Variants in LPCAT1 observed in about 807,000 individuals in gnomAD.
The protein encoded by LPCAT1 is 1-acylglycerol-3-phosphate O-acyltransferase.
In LPCAT1, 23 loss-of-function variants were observed where a neutral mutation model predicts 60.9. The ratio of observed to expected loss-of-function variants is 0.38; its 90% CI spans 0.27 to 0.53. The LOEUF (loss-of-function observed/expected upper bound fraction) is 0.53, where lower values mean the gene tolerates loss of function less well. Among genes scored for constraint, LPCAT1 ranks in the 20% least tolerant of loss-of-function variants. The pLI is 0.82. For missense variants in LPCAT1, 622 were observed against 723.6 expected, an observed-to-expected ratio of 0.86 and a Z score of 1.61; for synonymous variants, 340 against 301.1, an observed-to-expected ratio of 1.13 and a Z score of -1.34.
intron 13 of LPCAT1, among the ~76,000 whole-genome samples, chr5:1,464,300 C>G (rs147043212): frequency 2.6e-5 from 4 of 152,174 alleles, no homozygotes; most frequent in African/African-American, 7.2e-5. Context: ...GCCGCTGTGC[C>G]TGGCTCTCAT....
In LPCAT1 at chr5:1,501,246, C is replaced by T. The variant is rs1161947040; in HGVS notation, c.278+215G>A. On this transcript the variant is annotated intron_variant, in intron 2 of 13. Transcript: ENST00000283415. The stretch of plus-strand genomic sequence containing the variant: ...TGCAGACCCCTGGAAAATGAAGCCT[C>T]AGAGCAGGACTGTGGCGGAGGCGTG... Among the ~76,000 whole-genome samples, 4 of 152,204 alleles carry T rather than the reference C, an allele frequency of 2.6e-5. No homozygotes were observed. The East Asian group carries it at 7.7e-4, about 29-fold the overall frequency.
chr5:1,474,765 G>A lies in LPCAT1; in HGVS notation c.900-80C>T. The A allele has an allele frequency of 2.0e-6, 3 of 1,528,160 alleles. No homozygotes were observed. The South Asian group carries it at 3.7e-5, about 19-fold the overall frequency. The allele number at this position is 1,528,160 out of a possible 1,614,324, so 94.7% of individuals were successfully genotyped here. A position where few individuals can be genotyped will look rare whatever the true frequency, so the allele number is the denominator to read the frequency against. ...CGCCCCACCAGAATAACCGCCGATG[G>A]CTCAGGGGAGAGGAGGGCTGAGGAG... is the stretch of plus-strand genomic sequence containing the variant. On this transcript the variant is annotated intron_variant, in intron 9 of 13. Transcript: ENST00000283415.
chr5:1,474,318 C>G (rs1213076808), intron 10 of LPCAT1, among the ~76,000 whole-genome samples: 2 of 152,244 alleles, frequency 1.3e-5, no homozygotes, highest in African/African-American at 4.8e-5. Flanking sequence ...AGACCCGTTC[C>G]CTTCCCAGGG....
In LPCAT1 at chr5:1,496,405, T is replaced by C. The variant is rs2962037; in HGVS notation, c.279-1491A>G. ...ATAAAGATGTACTCTTCTGTGCACA[T>C]GTTATTTTCCACAAAAAAAAAAAAA... On this transcript the variant is annotated intron_variant, in intron 2 of 13. Transcript: ENST00000283415. The surrounding 1 kb of genome is among the most constrained non-coding windows in gnomAD (Gnocchi z 4.7). Among the ~76,000 whole-genome samples, 1,062 of 147,700 alleles carry C rather than the reference T, an allele frequency of 7.2e-3. 9 individuals carry two copies. Among genetic ancestry groups the C allele is most frequent in the African/African-American group, 0.025 (1,002 of 39,546 alleles).
intron 2 of LPCAT1, among the ~76,000 whole-genome samples, chr5:1,499,533 T>G (rs905902054): frequency 4.6e-5 from 7 of 152,224 alleles, no homozygotes; most frequent in Admixed American, 2.6e-4. Flanking sequence ...ATTTTATGGT[T>G]AAAACGTTTC....
chr5:1,501,323 C>G (rs1169362081), intron 2 of LPCAT1, 138 bp downstream of exon 2: 9 of 1,232,980 alleles, frequency 7.3e-6, no homozygotes, highest in African/African-American at 1.5e-5. Flanking sequence ...AGGGGGCAGC[C>G]CTGGTGGACG....
At position 1,483,892 on chromosome 5, in the gene LPCAT1, G is replaced by C. The variant is rs182729796; in HGVS notation, c.668-406C>G. Among the ~76,000 whole-genome samples the C allele has an allele frequency of 6.6e-6, 1 of 150,492 alleles. No individual in the cohort carries two copies. Among genetic ancestry groups the C allele is most frequent in the South Asian group, 2.1e-4 (1 of 4,684 alleles). ...CACTTGCTATTATAACATTGCGCAC[G>C]AGCTGGAAGACATCCGTGGAGGGAC... On this transcript the variant is annotated intron_variant, in intron 5 of 13. Transcript: ENST00000283415. The surrounding 1 kb of genome is among the most constrained non-coding windows in gnomAD (Gnocchi z 9.2).
chr5:1,523,946 G>C lies in LPCAT1; in HGVS notation c.-102C>G. Reference sequence around the variant, plus strand: ...CTCGGGGCGCGGGCCGAGGATGCGCGGCGGCTGGAGCGGGCCGGGCGCGCA... The same window carrying C: ...CTCGGGGCGCGGGCCGAGGATGCGCCGCGGCTGGAGCGGGCCGGGCGCGCA... On this transcript the variant is annotated 5_prime_UTR_variant, in exon 1 of 14. Coordinates refer to ENST00000283415, the MANE Select transcript of LPCAT1 (RefSeq NM_024830.5). The surrounding 1 kb of genome is among the most constrained non-coding windows in gnomAD (Gnocchi z 7.1). 7 of 849,698 alleles carry C rather than the reference G, an allele frequency of 8.2e-6. No homozygotes were observed. The highest frequency in any genetic ancestry group is 9.9e-6 in the Non-Finnish European group (7 of 705,130). The allele number at this position is 849,698 out of a possible 1,614,324, so 52.6% of individuals were successfully genotyped here. A position where few individuals can be genotyped will look rare whatever the true frequency, so the allele number is the denominator to read the frequency against.
In LPCAT1 at chr5:1,486,412, G is replaced by T. The variant is rs185800126; in HGVS notation, c.667+1979C>A. Among the ~76,000 whole-genome samples, 202 of 152,290 alleles carry T rather than the reference G, an allele frequency of 1.3e-3. 6 individuals carry two copies. The East Asian group carries it at 0.036, about 27-fold the overall frequency. The stretch of plus-strand genomic sequence containing the variant: ...TGGAGGCTCCAGGAGCCTGAGGCTG[G>T]AGGCTGGGCCCAATGCGGGAAGGTC... On this transcript the variant is annotated intron_variant, in intron 5 of 13. Transcript: ENST00000283415.
rs149380037 is a variant in LPCAT1 at position 1,513,982 on chromosome 5, G to A, written c.135+9728C>T. Among the ~76,000 whole-genome samples the A allele has an allele frequency of 3.7e-3, 561 of 152,354 alleles. 3 individuals are homozygous for A. Among genetic ancestry groups the A allele is most frequent in the African/African-American group, 0.013 (537 of 41,588 alleles). ...TCACCCGTGGGGCGGGACACCCTGC[G>A]ATTACATTTCCTCAGAAGGCAGCTT... On this transcript the variant is annotated intron_variant, in intron 1 of 13. Coordinates refer to ENST00000283415, the MANE Select transcript of LPCAT1 (RefSeq NM_024830.5).
rs183178034 is a variant in LPCAT1 at position 1,475,692 on chromosome 5, A to C, written c.900-1007T>G. On this transcript the variant is annotated intron_variant, in intron 9 of 13. Transcript: ENST00000283415. The stretch of plus-strand genomic sequence containing the variant: ...CGGGAGTGGGAAACCAGCCGGGAGG[A>C]GGCGCTGCCAGGGTCCCTCTGCTCA... Among the ~76,000 whole-genome samples, 243 of 152,286 alleles carry C rather than the reference A, an allele frequency of 1.6e-3. 1 individual carries two copies. Among genetic ancestry groups the C allele is most frequent in the African/African-American group, 5.5e-3 (227 of 41,560 alleles).
rs1735790235 is a variant in LPCAT1, at chr5:1,496,360, C to T, written c.279-1446G>A. Among the ~76,000 whole-genome samples, 1 of 145,158 alleles carries T rather than the reference C, an allele frequency of 6.9e-6. No individual in the cohort carries two copies. The highest frequency in any genetic ancestry group is 1.5e-5 in the Non-Finnish European group (1 of 66,704). ...TGGGCAACAGAGTGAGACTCCATCT[C>T]AAGAAAACTAAACTAAAAAATAAAG... On this transcript the variant is annotated intron_variant, in intron 2 of 13. Coordinates refer to ENST00000283415, the MANE Select transcript of LPCAT1 (RefSeq NM_024830.5). This position sits in a 1 kb window ranked among gnomAD's most constrained non-coding sequence, Gnocchi z 4.7.
Position 1,483,634 on chromosome 5 carries a change from A to T in LPCAT1, c.668-148T>A. ...GGGCACTCCATGCCTGGACTATCTC[A>T]ACATCTGTCCTGACCGTAAACACCC... On this transcript the variant is annotated intron_variant, in intron 5 of 13. Coordinates refer to ENST00000283415, the MANE Select transcript of LPCAT1 (RefSeq NM_024830.5). The surrounding 1 kb of genome is among the most constrained non-coding windows in gnomAD (Gnocchi z 9.2). 1 of 732,736 alleles carries T rather than the reference A, an allele frequency of 1.4e-6. No homozygotes were observed. The highest frequency in any genetic ancestry group is 2.3e-6 in the Non-Finnish European group (1 of 427,854). 45.4% of individuals were successfully genotyped at this position (732,736 alleles called of 1,614,324 possible).
intron 3 of LPCAT1, among the ~76,000 whole-genome samples, chr5:1,494,379 C>T (rs1237156828): frequency 2.0e-5 from 3 of 151,776 alleles, no homozygotes; most frequent in Admixed American, 6.6e-5. Context: ...CCAATGTGCC[C>T]GGCGGTGGGG....
Position 1,483,435 on chromosome 5 carries a change from T to C in LPCAT1, c.719A>G (p.Asn240Ser). 1 of 1,613,806 alleles carries C rather than the reference T, an allele frequency of 6.2e-7. No homozygotes were observed. Among genetic ancestry groups the C allele is most frequent in the Non-Finnish European group, 8.5e-7 (1 of 1,180,018 alleles). The change falls in exon 6 of 14, where the codon AAT becomes AGT. Residue 240 changes from asparagine (N) to serine (S), a missense_variant. Coordinates refer to ENST00000283415, the MANE Select transcript of LPCAT1 (RefSeq NM_024830.5). The surrounding 1 kb of genome is among the most constrained non-coding windows in gnomAD (Gnocchi z 9.2). ...PVQPVVLRYP[N>S]KLDTITWTWQ... is the part of the protein sequence containing the mutation. Reference sequence around the variant, plus strand: ...CAAAAAAACACAACTCACCAGTTTATTTGGATATCGTAAAACCACAGGCTG... The same window carrying C: ...CAAAAAAACACAACTCACCAGTTTACTTGGATATCGTAAAACCACAGGCTG...
At chr5:1,475,803 C>T (rs935855407) in intron 9 of LPCAT1, among the ~76,000 whole-genome samples, 5 of 101,296 alleles carry the variant, frequency 4.9e-5, no homozygotes, top group African/African-American at 1.3e-4. Flanking sequence ...ATCTCCACTC[C>T]GAGTGGGGCT....
rs1736671265 is a variant in LPCAT1 at position 1,521,314 on chromosome 5, G to A, written c.135+2396C>T. The stretch of plus-strand genomic sequence containing the variant: ...AGACACACAGCAGCCCCTCCCAGGC[G>A]GCAAATGCTCACAGGTAAATGCAGG... On this transcript the variant is annotated intron_variant, in intron 1 of 13. Coordinates refer to ENST00000283415, the MANE Select transcript of LPCAT1 (RefSeq NM_024830.5). The surrounding 1 kb of genome is among the most constrained non-coding windows in gnomAD (Gnocchi z 4.3). 2.0e-5 allele frequency: 20 copies of A among 985,274 alleles called. No individual in the cohort carries two copies. Among genetic ancestry groups the A allele is most frequent in the Middle Eastern group, 5.2e-4 (1 of 1,914 alleles). The allele number at this position is 985,274 out of a possible 1,614,324, so 61.0% of individuals were successfully genotyped here.
intron 8 of LPCAT1, 139 bp downstream of exon 8, chr5:1,479,482 G>T: frequency 1.5e-6 from 1 of 689,502 alleles, no homozygotes; most frequent in Non-Finnish European, 2.7e-6. Flanking sequence ...CCTCGAAGGA[G>T]CCCTGAGAAA....
In LPCAT1 at chr5:1,523,344, C is replaced by T. The variant is rs1459280554; in HGVS notation, c.135+366G>A. 6.6e-6 allele frequency among the ~76,000 whole-genome samples: 1 copy of T among 151,824 alleles called. No individual in the cohort carries two copies. Among genetic ancestry groups the T allele is most frequent in the East Asian group, 1.9e-4 (1 of 5,180 alleles). The stretch of plus-strand genomic sequence containing the variant: ...GGGACCGGCGATGCGGGTCCAGCCT[C>T]CCGCGGGAGCCGAGGTCGGGGCTCT... On this transcript the variant is annotated intron_variant, in intron 1 of 13. Coordinates refer to ENST00000283415, the MANE Select transcript of LPCAT1 (RefSeq NM_024830.5). The surrounding 1 kb of genome is among the most constrained non-coding windows in gnomAD (Gnocchi z 7.1).
Sources: gnomAD v4.1 joint callset for allele counts (sites outside exome capture counted in the v4.1 genomes callset) on GRCh38, gnomAD v4.1.1 for gene constraint, Gnocchi (gnomAD v3.1) non-coding constraint, MANE v1.5 for transcripts, NCBI Gene and HGNC (gene_info 2026-07-23, HGNC 2026-07-21) for gene names.